Variants in CCSER1 observed in about 807,000 individuals in gnomAD.
CCSER1 encodes serine-rich coiled-coil domain-containing protein 1.
CCSER1 carries 41 observed loss-of-function variants against 82.0 expected under a neutral mutation model. The observed-to-expected ratio is 0.50, with a 90% CI of 0.39 to 0.65. CCSER1 has a LOEUF of 0.65. CCSER1 is among the 30% of genes least tolerant of loss of function. The probability of loss-of-function intolerance (pLI) is 0.00; values close to 1 mark genes in which losing one functional copy is unlikely to be tolerated. For missense variants in CCSER1, 1,119 were observed against 1,064.2 expected, an observed-to-expected ratio of 1.05 and a Z score of -0.72; for synonymous variants, 414 against 383.9, an observed-to-expected ratio of 1.08 and a Z score of -0.92.
At chr4:90,734,152 A>T (rs1241528772) in intron 7 of CCSER1, among the ~76,000 whole-genome samples, 4 of 151,444 alleles carry the variant, frequency 2.6e-5, no homozygotes, top group African/African-American at 4.9e-5. Flanking sequence ...TTGAGATGGA[A>T]TCTCGCTTTG....
At chr4:90,796,231 T>G (rs11943578) in intron 7 of CCSER1, among the ~76,000 whole-genome samples, 52,531 of 151,526 alleles carry the variant, frequency 0.35, 9,409 homozygotes, top group African/African-American at 0.45. Context: ...GAGGGTGTAT[T>G]TGTCCAGGAT....
intron 6 of CCSER1, among the ~76,000 whole-genome samples, chr4:90,634,644 A>G (rs1310894541): frequency 6.6e-6 from 1 of 151,802 alleles, no homozygotes. Context: ...AGAAAAGTCT[A>G]TAGGGTAGGA....
At chr4:91,192,633 T>G (rs567953424) in intron 10 of CCSER1, among the ~76,000 whole-genome samples, 3 of 152,224 alleles carry the variant, frequency 2.0e-5, no homozygotes, top group Non-Finnish European at 4.4e-5. Flanking sequence ...GCCCCTCTCC[T>G]TGGAAGAACC....
At chr4:90,969,067 C>T (rs1012574654) in intron 9 of CCSER1, among the ~76,000 whole-genome samples, 1 of 151,320 alleles carries the variant, frequency 6.6e-6, no homozygotes, top group African/African-American at 2.4e-5. Context: ...CAGAAGAAAG[C>T]ATCTGTGAAT....
At chr4:91,511,256 A>G (rs1226700810) in intron 10 of CCSER1, among the ~76,000 whole-genome samples, 3 of 152,134 alleles carry the variant, frequency 2.0e-5, no homozygotes, top group Non-Finnish European at 4.4e-5. Context: ...GTTGAGTAAT[A>G]TGATGCCTCT....
intron 6 of CCSER1, among the ~76,000 whole-genome samples, chr4:90,658,091 G>A (rs1730050386): frequency 6.6e-6 from 1 of 152,118 alleles, no homozygotes. Flanking sequence ...GTGACAGAGT[G>A]AGACTCTGTC....
intron 9 of CCSER1, among the ~76,000 whole-genome samples, chr4:90,990,875 G>C (rs1412635485): frequency 1.3e-5 from 2 of 151,932 alleles, no homozygotes; most frequent in African/African-American, 4.8e-5. Context: ...TCTGAGACTA[G>C]GAAGTGGCAG....
At chr4:91,344,807 A>G (rs1433609786) in intron 10 of CCSER1, among the ~76,000 whole-genome samples, 1 of 152,198 alleles carries the variant, frequency 6.6e-6, no homozygotes, top group Admixed American at 6.5e-5. Flanking sequence ...AAGCCTCTAC[A>G]TGAAATTCAT....
intron 10 of CCSER1, among the ~76,000 whole-genome samples, chr4:91,585,985 T>C (rs139391678): frequency 1.4e-3 from 219 of 151,720 alleles, no homozygotes; most frequent in Non-Finnish European, 2.3e-3. Flanking sequence ...AGGCACAAAA[T>C]AGTGGATAAA....
At chr4:90,883,554 C>T (rs1477311143) in intron 8 of CCSER1, among the ~76,000 whole-genome samples, 4 of 150,142 alleles carry the variant, frequency 2.7e-5, no homozygotes, top group Admixed American at 1.3e-4. Context: ...TTTTTTAGGT[C>T]GAATGAATGG....
intron 10 of CCSER1, among the ~76,000 whole-genome samples, chr4:91,399,326 A>G (rs889006528): frequency 1.3e-5 from 2 of 152,102 alleles, no homozygotes; most frequent in South Asian, 2.1e-4. Flanking sequence ...AAAGATGGCT[A>G]TATGACTTAA....
chr4:90,899,778 T>A (rs1488535879), intron 8 of CCSER1, among the ~76,000 whole-genome samples: 3 of 152,134 alleles, frequency 2.0e-5, no homozygotes, highest in African/African-American at 4.8e-5. Flanking sequence ...TGAACCATTG[T>A]TTCATCCTAG....
chr4:90,287,580 A>T (rs1730132326), intron 1 of CCSER1, among the ~76,000 whole-genome samples: 1 of 151,922 alleles, frequency 6.6e-6, no homozygotes, highest in African/African-American at 2.4e-5. Flanking sequence ...CATAGTTCTG[A>T]TAAGAACATG....
intron 9 of CCSER1, among the ~76,000 whole-genome samples, chr4:90,974,762 T>C (rs1119403): frequency 0.21 from 31,081 of 151,202 alleles, 4,338 homozygotes; most frequent in Non-Finnish European, 0.3. Context: ...TCCTACTTCA[T>C]TGATATGATT....
At chr4:90,427,404 A>G (rs538874381) in intron 4 of CCSER1, among the ~76,000 whole-genome samples, 16 of 151,820 alleles carry the variant, frequency 1.1e-4, no homozygotes, top group African/African-American at 3.9e-4. Context: ...TATAAAATGG[A>G]AGGATTTGAA....
chr4:91,117,884 A>G (rs1012449311), intron 10 of CCSER1, among the ~76,000 whole-genome samples: 1 of 152,032 alleles, frequency 6.6e-6, no homozygotes, highest in Non-Finnish European at 1.5e-5. Context: ...CCTTACTTTA[A>G]TCATCCTTTT....
intron 10 of CCSER1, among the ~76,000 whole-genome samples, chr4:91,228,450 A>G (rs932878171): frequency 2.6e-5 from 4 of 151,976 alleles, no homozygotes; most frequent in African/African-American, 9.7e-5. Context: ...ACAGAAATGC[A>G]GAATGAGATT....
At chr4:90,287,667 C>T (rs1236097693) in intron 1 of CCSER1, among the ~76,000 whole-genome samples, 4 of 151,848 alleles carry the variant, frequency 2.6e-5, no homozygotes, top group Non-Finnish European at 4.4e-5. Flanking sequence ...TGAGATTAGA[C>T]GTTTTCCATT....
rs1464047126 is a variant in CCSER1, at chr4:91,602,738, A to AAAGG, written c.*3682_*3685dup. Among the ~76,000 whole-genome samples the AAAGG allele has an allele frequency of 1.3e-5, 2 of 152,088 alleles. No individual in the cohort carries two copies. Among genetic ancestry groups the AAAGG allele is most frequent in the Non-Finnish European group, 2.9e-5 (2 of 67,950 alleles). On this transcript the variant is annotated 3_prime_UTR_variant, in exon 11 of 11. Transcript: ENST00000509176. ...ATACACACAGATGAAACTAGAAAAGAAAGGGCAATACATGTGAAGATGATA... is the reference window on the plus strand; with the variant it reads ...ATACACACAGATGAAACTAGAAAAGAAAGGAAGGGCAATACATGTGAAGATGATA...
Sources: allele counts gnomAD v4.1 joint callset (sites outside exome capture counted in the v4.1 genomes callset), GRCh38; gene constraint gnomAD v4.1.1; transcripts MANE v1.5; gene names NCBI Gene and HGNC (gene_info 2026-07-23, HGNC 2026-07-21).